CSMD1: variants seen among roughly 807,000 people sequenced by gnomAD.
CSMD1 encodes the protein CUB and sushi domain-containing protein 1.
A neutral mutation model predicts 417.5 loss-of-function variants in CSMD1; 213 were observed. The ratio of observed to expected loss-of-function variants is 0.51; its 90% CI spans 0.46 to 0.57. CSMD1 has a LOEUF of 0.57. CSMD1 is among the 20% of genes least tolerant of loss of function. CSMD1 has a pLI of 0.00. For missense variants in CSMD1, 6,923 were observed against 4,529.7 expected (o/e 1.53, Z -15.17); for synonymous variants, 2,862 against 1,736.8 (o/e 1.65, Z -16.11).
chr8:3,888,632 C>G (rs1400278360), intron 5 of CSMD1, among the ~76,000 whole-genome samples: 2 of 152,120 alleles, frequency 1.3e-5, no homozygotes, highest in South Asian at 2.1e-4. Context: ...CAAGCAAGGT[C>G]AAGTGCTCTA....
At chr8:3,018,070 A>G (rs1809011415) in intron 52 of CSMD1, among the ~76,000 whole-genome samples, 1 of 152,238 alleles carries the variant, frequency 6.6e-6, no homozygotes, top group Non-Finnish European at 1.5e-5. Flanking sequence ...TATTGTAGAC[A>G]TATAGCATTT....
At chr8:4,759,651 G>A (rs999268738) in intron 1 of CSMD1, among the ~76,000 whole-genome samples, 1 of 152,126 alleles carries the variant, frequency 6.6e-6, no homozygotes, top group South Asian at 2.1e-4. Context: ...ACTTATAAGT[G>A]AGAATATGTG....
intron 7 of CSMD1, among the ~76,000 whole-genome samples, chr8:3,618,438 T>A (rs1344538174): frequency 1.3e-5 from 2 of 152,028 alleles, no homozygotes; most frequent in Non-Finnish European, 2.9e-5. Flanking sequence ...GTTAAGATAT[T>A]TTTTAGGTAT....
intron 1 of CSMD1, among the ~76,000 whole-genome samples, chr8:4,894,014 C>G (rs529525321): frequency 4.7e-4 from 71 of 151,488 alleles, no homozygotes; most frequent in Non-Finnish European, 7.2e-4. Context: ...GTATAGATAC[C>G]TTTGGATTTT....
At chr8:3,676,020 C>G (rs775437146) in intron 7 of CSMD1, among the ~76,000 whole-genome samples, 5 of 152,186 alleles carry the variant, frequency 3.3e-5, no homozygotes, top group African/African-American at 4.8e-5. Context: ...GCCTTAGTAT[C>G]TTATCATTTA....
At chr8:3,577,593 G>C (rs1800206088) in intron 9 of CSMD1, among the ~76,000 whole-genome samples, 1 of 152,090 alleles carries the variant, frequency 6.6e-6, no homozygotes, top group Non-Finnish European at 1.5e-5. Context: ...ACAATTTTTA[G>C]CATTTGATTG....
chr8:4,536,450 G>C (rs908161284), intron 2 of CSMD1, among the ~76,000 whole-genome samples: 1 of 152,068 alleles, frequency 6.6e-6, no homozygotes, highest in Admixed American at 6.5e-5. Context: ...TATACGTGAA[G>C]TTTCAGCCTA....
chr8:4,038,019 G>C (rs538372396), intron 3 of CSMD1, among the ~76,000 whole-genome samples: 2 of 152,036 alleles, frequency 1.3e-5, no homozygotes, highest in South Asian at 2.1e-4. Flanking sequence ...TCCCACACTT[G>C]GTAAAAAGTG....
chr8:3,200,549 A>G (rs1289394289), intron 32 of CSMD1, among the ~76,000 whole-genome samples: 1 of 151,520 alleles, frequency 6.6e-6, no homozygotes, highest in African/African-American at 2.4e-5. Flanking sequence ...AGTGAGTGAG[A>G]CTTTGTCTCA....
intron 6 of CSMD1, among the ~76,000 whole-genome samples, chr8:3,726,051 C>A (rs987442351): frequency 6.6e-6 from 1 of 152,132 alleles, no homozygotes; most frequent in African/African-American, 2.4e-5. Flanking sequence ...ATGCAGCTCT[C>A]AGGAAATCAA....
chr8:3,783,571 C>G (rs888682258), intron 5 of CSMD1, among the ~76,000 whole-genome samples: 1 of 152,180 alleles, frequency 6.6e-6, no homozygotes, highest in African/African-American at 2.4e-5. Context: ...CCACCTGGCA[C>G]AGGTGAGAGA....
At chr8:4,718,019 C>G (rs927136472) in intron 1 of CSMD1, among the ~76,000 whole-genome samples, 2 of 152,038 alleles carry the variant, frequency 1.3e-5, no homozygotes, top group African/African-American at 2.4e-5. Context: ...GCTCTGTACC[C>G]CAGGCTGGAG....
intron 2 of CSMD1, among the ~76,000 whole-genome samples, chr8:4,435,495 G>C (rs1031664621): frequency 6.6e-6 from 1 of 152,196 alleles, no homozygotes; most frequent in Admixed American, 6.5e-5. Context: ...GTTATGATAT[G>C]ATTTGTCCAG....
rs542674392 is a variant in CSMD1, at chr8:4,520,811, T to G, written c.303-100746A>C. On this transcript the variant is annotated intron_variant, in intron 2 of 69. Transcript: ENST00000635120. ...ATGAAAATTTGAAATTATATTGGAG[T>G]GCCCTGTAAGTATAACGTATATACC... Among the ~76,000 whole-genome samples the G allele has an allele frequency of 5.3e-5, 8 of 152,300 alleles. No individual in the cohort carries two copies. The South Asian group carries it at 1.2e-3, about 24-fold the overall frequency.
chr8:4,768,066 C>T (rs1360631057), intron 1 of CSMD1, among the ~76,000 whole-genome samples: 2 of 152,146 alleles, frequency 1.3e-5, no homozygotes, highest in African/African-American at 2.4e-5. Flanking sequence ...TCTTCAGCCC[C>T]TTGCATAGGA....
intron 38 of CSMD1, among the ~76,000 whole-genome samples, chr8:3,161,836 T>C (rs1009940767): frequency 6.6e-6 from 1 of 152,188 alleles, no homozygotes; most frequent in African/African-American, 2.4e-5. Context: ...ATTCAATTAC[T>C]GGCTGCCAGG....
intron 10 of CSMD1, among the ~76,000 whole-genome samples, chr8:3,553,152 T>G (rs764562195): frequency 6.6e-6 from 1 of 151,824 alleles, no homozygotes; most frequent in Non-Finnish European, 1.5e-5. Context: ...AAAGACCTAC[T>G]CTGAATATCT....
chr8:3,206,095 T>A (rs1254795493), intron 30 of CSMD1, among the ~76,000 whole-genome samples: 1 of 152,166 alleles, frequency 6.6e-6, no homozygotes, highest in Non-Finnish European at 1.5e-5. Flanking sequence ...TTTCATCTTA[T>A]AGTTTCAGTA....
chr8:4,952,203 G>A (rs1223920266), intron 1 of CSMD1, among the ~76,000 whole-genome samples: 2 of 151,934 alleles, frequency 1.3e-5, no homozygotes, highest in Non-Finnish European at 1.5e-5. Context: ...TAATCAAAAC[G>A]TAAATAAAGC....
Sources: gnomAD v4.1 joint callset for allele counts (sites outside exome capture counted in the v4.1 genomes callset) on GRCh38, gnomAD v4.1.1 for gene constraint, MANE v1.5 for transcripts, NCBI Gene and HGNC (gene_info 2026-07-23, HGNC 2026-07-21) for gene names.